Variants in BRD10 observed in about 807,000 individuals in gnomAD.
BRD10 encodes uncharacterized bromodomain-containing protein 10.
the BRD10 span, chr9:5,924,860 C>T: frequency 1.4e-6 from 2 of 1,440,174 alleles, no homozygotes; most frequent in East Asian, 2.4e-5. Context: ...AATAAAATGC[C>T]CAACATAATA....
chr9:5,999,806 T>C, the BRD10 span, among the ~76,000 whole-genome samples: 1 of 152,114 alleles, frequency 6.6e-6, no homozygotes, highest in Non-Finnish European at 1.5e-5. Context: ...TATATCCATC[T>C]TTGAATCTCC....
the BRD10 span, among the ~76,000 whole-genome samples, chr9:5,936,896 A>G: frequency 6.6e-6 from 1 of 152,212 alleles, no homozygotes; most frequent in South Asian, 2.1e-4. Context: ...TTTGACATTT[A>G]AATTACTTAT....
At chr9:5,986,812 T>G in the BRD10 span, among the ~76,000 whole-genome samples, 1 of 152,238 alleles carries the variant, frequency 6.6e-6, no homozygotes, top group Non-Finnish European at 1.5e-5. Flanking sequence ...GATTGATTCA[T>G]ATTCATAGTT....
chr9:5,987,326 A>G, the BRD10 span, among the ~76,000 whole-genome samples: 4 of 152,178 alleles, frequency 2.6e-5, no homozygotes, highest in Non-Finnish European at 4.4e-5. Flanking sequence ...TCTGGTGACC[A>G]GTATTGGAGG....
At chr9:5,936,688 C>CA in the BRD10 span, among the ~76,000 whole-genome samples, 2 of 152,054 alleles carry the variant, frequency 1.3e-5, no homozygotes, top group African/African-American at 4.8e-5. Flanking sequence ...CATAATTTCC[C>CA]AACTCACAAA....
chr9:5,937,154 C>T, the BRD10 span, among the ~76,000 whole-genome samples: 33 of 147,922 alleles, frequency 2.2e-4, no homozygotes, highest in Non-Finnish European at 2.4e-4. Context: ...CACTTCAACC[C>T]GGAGGCGCAG....
the BRD10 span, among the ~76,000 whole-genome samples, chr9:5,966,859 T>G: frequency 6.6e-6 from 1 of 152,186 alleles, no homozygotes; most frequent in Middle Eastern, 3.2e-3. Flanking sequence ...TTTCTAAAAG[T>G]AACTTTTAAA....
chr9:5,902,268 T>A, the BRD10 span, among the ~76,000 whole-genome samples: 2 of 152,188 alleles, frequency 1.3e-5, no homozygotes, highest in Non-Finnish European at 2.9e-5. Context: ...TACATTCACC[T>A]AGGTTTTCAA....
the BRD10 span, chr9:5,908,761 T>C: frequency 6.7e-7 from 1 of 1,502,376 alleles, no homozygotes; most frequent in Non-Finnish European, 9.3e-7. Flanking sequence ...ACACTTTTGC[T>C]TGAATTTAAT....
the BRD10 span, among the ~76,000 whole-genome samples, chr9:5,915,499 A>C: frequency 6.6e-6 from 1 of 152,206 alleles, no homozygotes; most frequent in Admixed American, 6.5e-5. Flanking sequence ...TCAGTCCTCT[A>C]TCAGCTAGCT....
At chr9:5,954,212 G>C in the BRD10 span, 6 of 624,072 alleles carry the variant, frequency 9.6e-6, no homozygotes, top group Admixed American at 8.9e-5. Flanking sequence ...CTGCTAGTGA[G>C]TCAAATAAAA....
At chr9:5,923,060 T>G in the BRD10 span, 1 of 1,614,040 alleles carries the variant, frequency 6.2e-7, no homozygotes, top group Non-Finnish European at 8.5e-7. Context: ...TGGCTCTGTA[T>G]GCTTTGATTC....
chr9:5,945,344 T>G, the BRD10 span, among the ~76,000 whole-genome samples: 4 of 152,134 alleles, frequency 2.6e-5, no homozygotes, highest in African/African-American at 9.6e-5. Context: ...AGTCTCCCAG[T>G]AGGTGAATAA....
At chr9:5,919,134 A>G in the BRD10 span, 3 of 152,710 alleles carry the variant, frequency 2.0e-5, no homozygotes, top group Non-Finnish European at 4.4e-5. Context: ...CAAAACATAA[A>G]TAAGACAGCA....
chr9:5,985,763 C>T, the BRD10 span, among the ~76,000 whole-genome samples: 1 of 146,978 alleles, frequency 6.8e-6, no homozygotes, highest in Non-Finnish European at 1.5e-5. Context: ...CCAGCCTGGG[C>T]AACAACAGCA....
At chr9:5,992,040 C>A in the BRD10 span, among the ~76,000 whole-genome samples, 5 of 152,214 alleles carry the variant, frequency 3.3e-5, no homozygotes, top group African/African-American at 1.2e-4. Flanking sequence ...TCATTCAAGT[C>A]TCTGTTCAAA....
the BRD10 span, chr9:5,988,526 T>C: frequency 3.7e-6 from 6 of 1,613,766 alleles, no homozygotes; most frequent in South Asian, 4.4e-5. Flanking sequence ...ACTGCTATCG[T>C]TGTCTTTTCT....
At chr9:5,963,522 C>CA in the BRD10 span, among the ~76,000 whole-genome samples, 1 of 149,152 alleles carries the variant, frequency 6.7e-6, no homozygotes, top group Non-Finnish European at 1.5e-5. Flanking sequence ...ATCAAGCTAC[C>CA]AATGACTTTC....
At chr9:5,982,854 G>A in the BRD10 span, among the ~76,000 whole-genome samples, 1 of 152,162 alleles carries the variant, frequency 6.6e-6, no homozygotes, top group Non-Finnish European at 1.5e-5. Context: ...ATCTGGGGAG[G>A]ATGAAGCACC....
Sources: gnomAD v4.1 joint callset for allele counts (sites outside exome capture counted in the v4.1 genomes callset) on GRCh38, gnomAD v4.1.1 for gene constraint, MANE v1.5 for transcripts, NCBI Gene and HGNC (gene_info 2026-07-23, HGNC 2026-07-21) for gene names.